The following KCNJ16 variants were observed in gnomAD, a reference collection of about 807,000 sequenced individuals.
The protein encoded by KCNJ16 is potassium inwardly rectifying channel subfamily J member 16, also known as inward rectifier potassium channel 16.
A neutral mutation model predicts 18.5 loss-of-function variants in KCNJ16; 15 were observed. The observed-to-expected ratio is 0.81, with a 90% CI of 0.54 to 1.25. KCNJ16 has a LOEUF of 1.25. KCNJ16 is among the 50% of genes most tolerant of loss of function. The probability of loss-of-function intolerance (pLI) is 0.00; values close to 1 mark genes in which losing one functional copy is unlikely to be tolerated. For synonymous variants in KCNJ16, 174 were observed against 186.5 expected, an observed-to-expected ratio of 0.93 and a Z score of 0.55; for missense variants, 523 against 525.7, an observed-to-expected ratio of 0.99 and a Z score of 0.05.
intron 2 of KCNJ16, among the ~76,000 whole-genome samples, chr17:70,108,900 TC>T (rs2073062047): frequency 6.6e-6 from 1 of 152,104 alleles, no homozygotes. Flanking sequence ...GTTTCTCCAA[TC>T]CCTAGAGCTG....
chr17:70,124,659 G>C (rs2073785786), intron 2 of KCNJ16, among the ~76,000 whole-genome samples: 1 of 152,138 alleles, frequency 6.6e-6, no homozygotes, highest in Non-Finnish European at 1.5e-5. Context: ...AGACAGGGAT[G>C]GGCAGACTGA....
At chr17:70,084,165 C>T (rs1256526757) in intron 1 of KCNJ16, among the ~76,000 whole-genome samples, 1 of 152,198 alleles carries the variant, frequency 6.6e-6, no homozygotes, top group Non-Finnish European at 1.5e-5. Context: ...AAGAATATGG[C>T]TACTGGTTCA....
At chr17:70,102,301 C>CACT (rs2072678079) in intron 2 of KCNJ16, 1 of 126,506 alleles carries the variant, frequency 7.9e-6, no homozygotes, top group Non-Finnish European at 1.6e-5. Context: ...AATCTTAGTT[C>CACT]ACTACAACCT....
chr17:70,126,469 G>A (rs2073860250), intron 2 of KCNJ16, among the ~76,000 whole-genome samples: 2 of 152,158 alleles, frequency 1.3e-5, no homozygotes, highest in African/African-American at 4.8e-5. Context: ...TGACTCTTGT[G>A]TGCCTGGCAC....
intron 1 of KCNJ16, among the ~76,000 whole-genome samples, chr17:70,085,387 G>C (rs1479931126): frequency 6.6e-6 from 1 of 152,178 alleles, no homozygotes; most frequent in African/African-American, 2.4e-5. Flanking sequence ...GAAAGGTCGG[G>C]ATGTTCTGAT....
intron 1 of KCNJ16, among the ~76,000 whole-genome samples, chr17:70,079,154 G>A (rs374473955): frequency 9.9e-5 from 15 of 152,166 alleles, no homozygotes; most frequent in East Asian, 3.9e-4. Context: ...GAAATCTGTA[G>A]GGCGGGCTGG....
At chr17:70,113,155 T>C (rs138236954) in intron 2 of KCNJ16, among the ~76,000 whole-genome samples, 422 of 152,336 alleles carry the variant, frequency 2.8e-3, no homozygotes, top group African/African-American at 9.8e-3. Flanking sequence ...ATGGCTTATC[T>C]ATGGCACCAA....
At position 70,134,860 on chromosome 17, in the gene KCNJ16, A is replaced by C. The variant is rs927767963; in HGVS notation, c.*1516A>C. The stretch of plus-strand genomic sequence containing the variant: ...ACACACAAGTGAATGAAGTAATTAC[A>C]TAGTCCAAGATTAGAAATACAAGTA... On this transcript the variant is annotated 3_prime_UTR_variant, in exon 4 of 4. Coordinates refer to ENST00000392671, the MANE Select transcript of KCNJ16 (RefSeq NM_170741.4). 3 of 167,054 alleles carry C rather than the reference A, an allele frequency of 1.8e-5. No homozygotes were observed. The highest frequency in any genetic ancestry group is 7.2e-5 in the African/African-American group (3 of 41,454). 10.3% of individuals were successfully genotyped at this position (167,054 alleles called of 1,614,324 possible).
intron 2 of KCNJ16, among the ~76,000 whole-genome samples, chr17:70,112,364 T>TC (rs2144023848): frequency 6.6e-6 from 1 of 151,872 alleles, no homozygotes; most frequent in Non-Finnish European, 1.5e-5. Flanking sequence ...GTTTCTAATT[T>TC]TTTTTTTTTT....
intron 1 of KCNJ16, among the ~76,000 whole-genome samples, chr17:70,077,738 T>A (rs1346620205): frequency 6.6e-6 from 1 of 151,958 alleles, no homozygotes; most frequent in Non-Finnish European, 1.5e-5. Context: ...AGCTTTGGCA[T>A]CTCCAAATGG....
intron 1 of KCNJ16, among the ~76,000 whole-genome samples, chr17:70,095,391 C>G (rs1287525877): frequency 6.6e-6 from 1 of 152,164 alleles, no homozygotes; most frequent in African/African-American, 2.4e-5. Flanking sequence ...CTTATGCTTG[C>G]CTTCACTTCT....
At chr17:70,084,642 G>T (rs1339293936) in intron 1 of KCNJ16, among the ~76,000 whole-genome samples, 1 of 152,038 alleles carries the variant, frequency 6.6e-6, no homozygotes, top group Non-Finnish European at 1.5e-5. Context: ...CGGTGGTGCT[G>T]AATGGATAGC....
intron 1 of KCNJ16, among the ~76,000 whole-genome samples, chr17:70,088,991 A>G (rs2071964139): frequency 6.6e-6 from 1 of 152,214 alleles, no homozygotes; most frequent in African/African-American, 2.4e-5. Flanking sequence ...TTAAAACTTA[A>G]TGAGAAAAGG....
At chr17:70,111,942 T>C (rs1458843097) in intron 2 of KCNJ16, among the ~76,000 whole-genome samples, 1 of 152,136 alleles carries the variant, frequency 6.6e-6, no homozygotes. Context: ...TATGTCTTTA[T>C]CAGCAGTGTG....
chr17:70,113,010 T>C (rs9897041), intron 2 of KCNJ16, among the ~76,000 whole-genome samples: 13,065 of 152,214 alleles, frequency 0.086, 1,887 homozygotes, highest in African/African-American at 0.3. Flanking sequence ...CCAGAATGTT[T>C]TCCTTGGTTA....
intron 2 of KCNJ16, among the ~76,000 whole-genome samples, chr17:70,103,296 G>A (rs867141034): frequency 9.7e-5 from 7 of 72,050 alleles, no homozygotes; most frequent in African/African-American, 2.2e-4. Context: ...ATGTGTGTGT[G>A]TATATATATA....
intron 2 of KCNJ16, among the ~76,000 whole-genome samples, chr17:70,129,825 G>A (rs968477568): frequency 6.6e-6 from 1 of 152,088 alleles, no homozygotes; most frequent in South Asian, 2.1e-4. Flanking sequence ...TTTGAAAGAG[G>A]CTTGTGTATA....
intron 1 of KCNJ16, among the ~76,000 whole-genome samples, chr17:70,081,411 A>T (rs1257885587): frequency 6.6e-6 from 1 of 152,216 alleles, no homozygotes; most frequent in Non-Finnish European, 1.5e-5. Flanking sequence ...GGCCATTTGC[A>T]CTTAGAAGTT....
chr17:70,132,451 T>A lies in KCNJ16; in HGVS notation c.364T>A (p.Phe122Ile). The change falls in exon 4 of 4, where the codon TTT becomes ATT. Residue 122 changes from phenylalanine (F) to isoleucine (I), a missense_variant. Physicochemically the swap from Phe to Ile is conservative, Grantham distance 21 (BLOSUM62 0). Transcript: ENST00000392671. ...CAACGTCCATTCTTTCACAGGGGCC[T>A]TTTTGTTCTCCCTAGAGACCCAAAC... ...VDNVHSFTGA[F>I]LFSLETQTTI... 1 of 1,614,084 alleles carries A rather than the reference T, an allele frequency of 6.2e-7. No homozygotes were observed. Among genetic ancestry groups the A allele is most frequent in the Non-Finnish European group, 8.5e-7 (1 of 1,179,944 alleles).
Sources: allele counts gnomAD v4.1 joint callset (sites outside exome capture counted in the v4.1 genomes callset), GRCh38; gene constraint gnomAD v4.1.1; transcripts MANE v1.5; gene names NCBI Gene and HGNC (gene_info 2026-07-23, HGNC 2026-07-21).